Variants in CHMP1A observed in about 807,000 individuals in gnomAD.
CHMP1A encodes charged multivesicular body protein 1A.
CHMP1A carries 17 observed loss-of-function variants against 27.0 expected under a neutral mutation model. The ratio of observed to expected loss-of-function variants is 0.63; its 90% CI spans 0.43 to 0.95. The LOEUF is 0.95. Ranked by LOEUF, CHMP1A falls within the 40% of genes least tolerant of loss-of-function variation. The pLI, the probability that CHMP1A is intolerant of heterozygous loss-of-function variation, is 0.00. For missense variants in CHMP1A, 275 were observed against 264.0 expected (o/e 1.04, Z -0.29); for synonymous variants, 131 against 107.5 (o/e 1.22, Z -1.35).
At chr16:89,656,793 C>G (rs1224447496) in intron 1 of CHMP1A, among the ~76,000 whole-genome samples, 1 of 152,166 alleles carries the variant, frequency 6.6e-6, no homozygotes, top group African/African-American at 2.4e-5. Flanking sequence ...CCCGACATTC[C>G]AAGTCCCGAA....
intron 1 of CHMP1A, among the ~76,000 whole-genome samples, chr16:89,655,845 C>T (rs1159169262): frequency 6.6e-6 from 1 of 152,162 alleles, no homozygotes; most frequent in Non-Finnish European, 1.5e-5. Context: ...AGGCTGGTCT[C>T]AAACTCCTGA....
In CHMP1A at chr16:89,647,208, T is replaced by C. The variant is rs1197264129; in HGVS notation, c.376A>G (p.Thr126Ala). ...CAAGGGTAGGGGCCACATACCGATG[T>C]ATGGACGTCCAGGTTCTGCACCTGC... Reference protein sequence around the residue: ...EQQVQNLDVHTSVMEDSMSSA... With the variant: ...EQQVQNLDVHASVMEDSMSSA... The change falls in exon 5 of 7, where the codon ACA becomes GCA. Residue 126 changes from threonine (T) to alanine (A), a missense_variant. Physicochemically the swap from Thr to Ala is moderately conservative, Grantham distance 58. Transcript: ENST00000397901. 2 of 1,609,114 alleles carry C rather than the reference T, an allele frequency of 1.2e-6. No individual in the cohort carries two copies.
intron 5 of CHMP1A, 182 bp from the exon 6 acceptor site, chr16:89,646,896 A>ACCCCCCCCCCCCC: frequency 5.3e-6 from 1 of 189,490 alleles, no homozygotes; most frequent in Non-Finnish European, 9.5e-6. Context: ...CCCCCCACCC[A>ACCCCCCCCCCCCC]GCCCCACCCT....
chr16:89,649,094 G>C, intron 4 of CHMP1A: 1 of 490,764 alleles, frequency 2.0e-6, no homozygotes, highest in Non-Finnish European at 3.5e-6. Flanking sequence ...ATCAGTGCAA[G>C]CTCAGGGTGC....
At position 89,647,010 on chromosome 16, in the gene CHMP1A, G is replaced by A. The variant is rs771245484; in HGVS notation, c.381+193C>T. ...ACAAGGAGCCAGGTGCCTGCAGGAG[G>A]CCCCCGCCGCCCTGCCCACCCTACC... is the stretch of plus-strand genomic sequence containing the variant. On this transcript the variant is annotated intron_variant, in intron 5 of 6. Coordinates refer to ENST00000397901, the MANE Select transcript of CHMP1A (RefSeq NM_002768.5). 8 of 1,506,570 alleles carry A rather than the reference G, an allele frequency of 5.3e-6. No individual in the cohort carries two copies. The African/African-American group carries it at 8.3e-5, about 16-fold the overall frequency. The allele number at this position is 1,506,570 out of a possible 1,614,324, so 93.3% of individuals were successfully genotyped here.
intron 4 of CHMP1A, among the ~76,000 whole-genome samples, chr16:89,647,608 A>ACTGCTGTGCCCTCCTGG (rs2151512276): frequency 1.5e-5 from 2 of 129,972 alleles, no homozygotes; most frequent in African/African-American, 2.8e-5. Flanking sequence ...CGACGTGGAG[A>ACTGCTGTGCCCTCCTGG]CCCAGTGCGG....
At position 89,645,869 on chromosome 16, in the gene CHMP1A, C is replaced by G. The variant is rs921735430; in HGVS notation, c.*197G>C. 9.0e-6 allele frequency: 14 copies of G among 1,554,226 alleles called. No homozygotes were observed. Among genetic ancestry groups the G allele is most frequent in the Non-Finnish European group, 1.2e-5 (14 of 1,150,310 alleles). On this transcript the variant is annotated 3_prime_UTR_variant, in exon 7 of 7. Transcript: ENST00000397901. ...CCCAGAAATTTGCAGAAACTCAACA[C>G]CAGGACACAGACCCACCGCCCAACC...
At chr16:89,646,815 GC>G in intron 5 of CHMP1A, 101 bp from the exon 6 acceptor site, 1 of 1,286,190 alleles carries the variant, frequency 7.8e-7, no homozygotes, top group Non-Finnish European at 1.1e-6. Flanking sequence ...CCCTCACACA[GC>G]CAGCCACCTT....
At chr16:89,654,627 G>C (rs1264024722) in intron 1 of CHMP1A, among the ~76,000 whole-genome samples, 1 of 151,954 alleles carries the variant, frequency 6.6e-6, no homozygotes, top group African/African-American at 2.4e-5. Context: ...AATATAGTCA[G>C]ACCTCATCTC....
At position 89,649,359 on chromosome 16, in the gene CHMP1A, T is replaced by G. The variant is rs767569515; in HGVS notation, c.244A>C (p.Met82Leu). Reference sequence around the variant, plus strand: ...CAGGGCCCAGCACTCACCCCCTTCATAGTCACAGCTGTCTGCACCTTGGAG... The same window carrying G: ...CAGGGCCCAGCACTCACCCCCTTCAGAGTCACAGCTGTCTGCACCTTGGAG... ...VASKVQTAVT[M>L]KGVTKNMAQV... Residue 82 changes from methionine (M) to leucine (L), a missense_variant, in exon 4 of 7, where the codon ATG becomes CTG. By Grantham distance (15) the Met-to-Leu change is conservative. Transcript: ENST00000397901. The G allele has an allele frequency of 2.5e-6, 4 of 1,611,844 alleles. No individual in the cohort carries two copies. The highest frequency in any genetic ancestry group is 2.5e-6 in the Non-Finnish European group (3 of 1,178,486).
intron 3 of CHMP1A, 100 bp downstream of exon 3, chr16:89,651,469 C>T: frequency 4.0e-6 from 4 of 990,694 alleles, no homozygotes; most frequent in East Asian, 2.5e-5. Flanking sequence ...CCTGCCCCTC[C>T]CCAAAAGGCA....
intron 5 of CHMP1A, 177 bp from the exon 6 acceptor site, chr16:89,646,891 C>T (rs571676027): frequency 1.3e-5 from 9 of 669,476 alleles, no homozygotes; most frequent in Admixed American, 4.6e-5. Flanking sequence ...CCTGCCCCCC[C>T]ACCCAGCCCC....
chr16:89,649,565 T>G (rs2059808076), intron 3 of CHMP1A, 68 bp from the exon 4 acceptor site: 1 of 1,581,836 alleles, frequency 6.3e-7, no homozygotes, highest in Non-Finnish European at 8.6e-7. Context: ...AGGAGCCCAG[T>G]TTTTGTTTTG....
At chr16:89,657,505 T>A in intron 1 of CHMP1A, 77 bp downstream of exon 1, 1 of 1,559,820 alleles carries the variant, frequency 6.4e-7, no homozygotes. Context: ...CGGCCCCAGG[T>A]GGGCGGAGCC....
intron 1 of CHMP1A, among the ~76,000 whole-genome samples, chr16:89,656,378 C>T (rs571002117): frequency 1.3e-5 from 2 of 152,118 alleles, no homozygotes; most frequent in Non-Finnish European, 2.9e-5. Flanking sequence ...ACCTTGCGAT[C>T]CGCCGGCCTC....
intron 1 of CHMP1A, among the ~76,000 whole-genome samples, chr16:89,654,868 G>A (rs1047069758): frequency 1.3e-5 from 2 of 151,996 alleles, no homozygotes; most frequent in Non-Finnish European, 2.9e-5. Context: ...GCGTGAACCC[G>A]GGAGGCAGAG....
At chr16:89,646,760 T>C (rs1442650639) in intron 5 of CHMP1A, 46 bp from the exon 6 acceptor site, 4 of 1,580,432 alleles carry the variant, frequency 2.5e-6, no homozygotes, top group South Asian at 1.1e-5. Context: ...GCCAGGCCCA[T>C]GGGGCCCCAC....
intron 6 of CHMP1A, 133 bp downstream of exon 6, chr16:89,646,394 A>T: frequency 9.5e-7 from 1 of 1,053,064 alleles, no homozygotes; most frequent in Non-Finnish European, 1.4e-6. Flanking sequence ...GGGGCCTCTG[A>T]GTCGAGATCA....
At position 89,653,889 on chromosome 16, in the gene CHMP1A, C is replaced by T; in HGVS notation, c.27+15G>A. 4 of 1,613,068 alleles carry T rather than the reference C, an allele frequency of 2.5e-6. No homozygotes were observed. The highest frequency in any genetic ancestry group is 3.4e-6 in the Non-Finnish European group (4 of 1,179,268). ...ACCAGAACAGGGCTGGGGTGAACGG[C>T]CATTCGGTACATACCTTCAACTGGA... On this transcript the variant is annotated intron_variant, in intron 2 of 6. Transcript: ENST00000397901.
Sources: allele counts gnomAD v4.1 joint callset (sites outside exome capture counted in the v4.1 genomes callset), GRCh38; gene constraint gnomAD v4.1.1; transcripts MANE v1.5; gene names NCBI Gene and HGNC (gene_info 2026-07-23, HGNC 2026-07-21).